RADIL: variants seen among roughly 807,000 people sequenced by gnomAD.
The protein encoded by RADIL is Rap associating with DIL domain.
In RADIL, 99 loss-of-function variants were observed where a neutral mutation model predicts 97.6. The observed-to-expected ratio is 1.01, with a 90% CI of 0.86 to 1.20. RADIL has a LOEUF of 1.20. Among genes scored for constraint, RADIL ranks in the 50% most tolerant of loss-of-function variants. The pLI, the probability that RADIL is intolerant of heterozygous loss-of-function variation, is 0.00. For synonymous variants in RADIL, 803 were observed against 691.8 expected (o/e 1.16, Z -2.52); for missense variants, 1,765 against 1,498.9 (o/e 1.18, Z -2.93).
rs1019959333 is a variant in RADIL at position 4,837,808 on chromosome 7, C to A, written c.536-1203G>T. The A allele has an allele frequency of 1.0e-6, 1 of 983,480 alleles. No individual in the cohort carries two copies. The highest frequency in any genetic ancestry group is 1.2e-6 in the Non-Finnish European group (1 of 828,352). The allele number at this position is 983,480 out of a possible 1,614,324, so 60.9% of individuals were successfully genotyped here. A position where few individuals can be genotyped will look rare whatever the true frequency, so the allele number is the denominator to read the frequency against. On this transcript the variant is annotated intron_variant, in intron 2 of 14. Transcript: ENST00000399583. This position sits in a 1 kb window ranked among gnomAD's most constrained non-coding sequence, Gnocchi z 5.6. ...ATGCTCTGGGAAAGCCAGCCGGCTG[C>A]GATAGATGAAAACCGCTCACCAGTC...
rs1219976007 is a variant in RADIL at position 4,860,960 on chromosome 7, T to C, written c.535+16645A>G. ...TTCAGGCTCCTTCAGTAACACTGGGTTTGGCCATTCCCATTCTGAAAATAC... is the reference window on the plus strand; with the variant it reads ...TTCAGGCTCCTTCAGTAACACTGGGCTTGGCCATTCCCATTCTGAAAATAC... On this transcript the variant is annotated intron_variant, in intron 2 of 14. Transcript: ENST00000399583. 1 of 1,614,108 alleles carries C rather than the reference T, an allele frequency of 6.2e-7. No individual in the cohort carries two copies. Among genetic ancestry groups the C allele is most frequent in the Non-Finnish European group, 8.5e-7 (1 of 1,180,052 alleles).
At chr7:4,868,728 C>A (rs1351803724) in intron 2 of RADIL, among the ~76,000 whole-genome samples, 2 of 152,220 alleles carry the variant, frequency 1.3e-5, no homozygotes, top group Admixed American at 6.5e-5. Flanking sequence ...TATCACCTAT[C>A]TTTTATCTAT....
At chr7:4,839,192 G>C (rs1036972515) in intron 2 of RADIL, among the ~76,000 whole-genome samples, 1 of 152,174 alleles carries the variant, frequency 6.6e-6, no homozygotes, top group African/African-American at 2.4e-5. Context: ...AAACACCGCT[G>C]TATATAGCTT....
Position 4,836,576 on chromosome 7 carries a change from G to T in RADIL, c.565C>A (p.Arg189=). 6.2e-7 allele frequency: 1 copy of T among 1,607,360 alleles called. No homozygotes were observed. The change falls in exon 3 of 15, where the codon CGG becomes AGG. Residue 189 remains arginine, a synonymous_variant. Coordinates refer to ENST00000399583, the MANE Select transcript of RADIL (RefSeq NM_018059.5). ...GINAQARRLQ[R]SRAKGTPTPA... ...GTCGGGGTTCCCTTCGCGCGACTCC[G>T]CTGCAGCCTCCGGGCCTGGGCGTTT...
In RADIL at chr7:4,813,822, T is replaced by C. The variant is rs544264998; in HGVS notation, c.2139+1456A>G. 1.0e-3 allele frequency among the ~76,000 whole-genome samples: 154 copies of C among 152,340 alleles called. No individual in the cohort carries two copies. Among genetic ancestry groups the C allele is most frequent in the Non-Finnish European group, 2.0e-3 (137 of 68,036 alleles). Reference sequence around the variant, plus strand: ...CCAAGCCTCAGTGCTTGCCACAATGTCTATCAACTGTTCTTCTGTTTTAGC... The same window carrying C: ...CCAAGCCTCAGTGCTTGCCACAATGCCTATCAACTGTTCTTCTGTTTTAGC... On this transcript the variant is annotated intron_variant, in intron 9 of 14. Transcript: ENST00000399583. The surrounding 1 kb of genome is among the most constrained non-coding windows in gnomAD (Gnocchi z 5.0).
Position 4,800,254 on chromosome 7 carries a change from T to C in RADIL, c.2899A>G (p.Ser967Gly), listed in dbSNP as rs1042538531. The C allele has an allele frequency of 1.3e-6, 2 of 1,565,558 alleles. No individual in the cohort carries two copies. Among genetic ancestry groups the C allele is most frequent in the Non-Finnish European group, 1.7e-6 (2 of 1,158,864 alleles). ...SPPAPSSRSS[S>G]TEDFCYVFTV... The stretch of plus-strand genomic sequence containing the variant: ...AAGACGTAGCAGAAGTCCTCGGTGC[T>C]GGAGCTGCGGCTGGACGGGGCTGGA... Residue 967 changes from serine to glycine, a missense_variant, in exon 13 of 15, where the codon AGC becomes GGC. Physicochemically the swap from Ser to Gly is moderately conservative, Grantham distance 56. Coordinates refer to ENST00000399583, the MANE Select transcript of RADIL (RefSeq NM_018059.5).
chr7:4,815,358 C>T lies in RADIL; in HGVS notation c.2059G>A (p.Gly687Arg), dbSNP rs375439747. Residue 687 changes from glycine (G) to arginine (R), a missense_variant, in exon 9 of 15, where the codon GGG (glycine) becomes AGG (arginine). Transcript: ENST00000399583. This position sits in a 1 kb window ranked among gnomAD's most constrained non-coding sequence, Gnocchi z 8.0. ...LLEWMRSAGF[G>R]AAGEHFFQKL... ...TGGAAGAAGTGCTCTCCAGCCGCCC[C>T]GAAGCCGGCGCTCCGCATCCACTCC... 3.9e-5 allele frequency: 61 copies of T among 1,558,474 alleles called. No individual in the cohort carries two copies. Among genetic ancestry groups the T allele is most frequent in the African/African-American group, 8.1e-5 (6 of 73,942 alleles).
chr7:4,875,380 G>A (rs1396042199), intron 2 of RADIL, among the ~76,000 whole-genome samples: 1 of 151,188 alleles, frequency 6.6e-6, no homozygotes, highest in Non-Finnish European at 1.5e-5. Context: ...GCGACAGAGA[G>A]AGACTCCATC....
chr7:4,821,482 G>A lies in RADIL; in HGVS notation c.1615+912C>T, dbSNP rs1782829838. Among the ~76,000 whole-genome samples the A allele has an allele frequency of 2.0e-5, 3 of 152,170 alleles. No individual in the cohort carries two copies. The highest frequency in any genetic ancestry group is 7.2e-5 in the African/African-American group (3 of 41,422). On this transcript the variant is annotated intron_variant, in intron 6 of 14. Transcript: ENST00000399583. This position sits in a 1 kb window ranked among gnomAD's most constrained non-coding sequence, Gnocchi z 5.2. ...CCCCGGCTTCCGGGCCCGGCCCCAT[G>A]CCACCTTCCTCTCGAAGCCCCCTAG...
chr7:4,862,079 A>C (rs542058591), intron 2 of RADIL: 4 of 366,172 alleles, frequency 1.1e-5, no homozygotes, highest in Non-Finnish European at 1.9e-5. Flanking sequence ...GCGAGGGCTC[A>C]CGGGAGCCAC....
intron 2 of RADIL, among the ~76,000 whole-genome samples, chr7:4,853,689 C>A (rs935090563): frequency 6.8e-6 from 1 of 147,368 alleles, no homozygotes; most frequent in East Asian, 2.0e-4. Context: ...TTGTGGTGAG[C>A]CGAGATCACG....
intron 2 of RADIL, chr7:4,858,966 G>A (rs1783904313): frequency 6.6e-6 from 1 of 152,156 alleles, no homozygotes; most frequent in South Asian, 2.1e-4. Flanking sequence ...ATAGCTCAAA[G>A]AAAATGTTTG....
Position 4,836,370 on chromosome 7 carries a change from G to A in RADIL, c.771C>T (p.Tyr257=). 6.4e-7 allele frequency: 1 copy of A among 1,573,362 alleles called. No homozygotes were observed. Among genetic ancestry groups the A allele is most frequent in the East Asian group, 2.3e-5 (1 of 42,738 alleles). ...QSPHLLLLQG[Y]SQQHDSLVYV... ...AGGGGAGGCTCACGTGCTGCTGGCT[G>A]TAGCCCTGCAGAAGGAGCAGATGCG... The change falls in exon 3 of 15, where the codon TAC becomes TAT. Residue 257 remains tyrosine, a synonymous_variant. Coordinates refer to ENST00000399583, the MANE Select transcript of RADIL (RefSeq NM_018059.5).
In RADIL at chr7:4,818,097, T is replaced by C. The variant is rs1237471607; in HGVS notation, c.1616-746A>G. 6.6e-6 allele frequency among the ~76,000 whole-genome samples: 1 copy of C among 152,154 alleles called. No individual in the cohort carries two copies. Among genetic ancestry groups the C allele is most frequent in the East Asian group, 1.9e-4 (1 of 5,176 alleles). On this transcript the variant is annotated intron_variant, in intron 6 of 14. Transcript: ENST00000399583. The surrounding 1 kb of genome is among the most constrained non-coding windows in gnomAD (Gnocchi z 7.1). ...TGGGACTGTGGGCGGCCAACCACAG[T>C]GGTGTTCCCTGTCAGCCGCGTGGGC...
rs1782601867 is a variant in RADIL, at chr7:4,813,565, C to A, written c.2139+1713G>T. 6.6e-6 allele frequency among the ~76,000 whole-genome samples: 1 copy of A among 152,232 alleles called. No homozygotes were observed. Among genetic ancestry groups the A allele is most frequent in the African/African-American group, 2.4e-5 (1 of 41,452 alleles). On this transcript the variant is annotated intron_variant, in intron 9 of 14. Coordinates refer to ENST00000399583, the MANE Select transcript of RADIL (RefSeq NM_018059.5). This position sits in a 1 kb window ranked among gnomAD's most constrained non-coding sequence, Gnocchi z 5.0. ...TGCTGTTCCAGTTTCTGTTTCCCCACCAGTGGCCCCTGCCTGGACAAAGCC... is the reference window on the plus strand; with the variant it reads ...TGCTGTTCCAGTTTCTGTTTCCCCAACAGTGGCCCCTGCCTGGACAAAGCC...
At position 4,837,708 on chromosome 7, in the gene RADIL, T is replaced by G. The variant is rs1783338274; in HGVS notation, c.536-1103A>C. The G allele has an allele frequency of 2.0e-6, 1 of 491,562 alleles. No homozygotes were observed. The highest frequency in any genetic ancestry group is 8.8e-5 in the South Asian group (1 of 11,408). 30.5% of individuals were successfully genotyped at this position (491,562 alleles called of 1,614,324 possible). ...ATTAACACATACATGCACACAAACA[T>G]GCGCACAGTTCAGAGATAACACACA... On this transcript the variant is annotated intron_variant, in intron 2 of 14. Transcript: ENST00000399583. This position sits in a 1 kb window ranked among gnomAD's most constrained non-coding sequence, Gnocchi z 5.6.
At chr7:4,875,371 C>T (rs1296731345) in intron 2 of RADIL, among the ~76,000 whole-genome samples, 6 of 151,358 alleles carry the variant, frequency 4.0e-5, no homozygotes, top group East Asian at 1.9e-4. Flanking sequence ...CCAGCCTGGG[C>T]GACAGAGAGA....
intron 2 of RADIL, 92 bp downstream of exon 2, chr7:4,877,513 A>G (rs2115053466): frequency 7.1e-7 from 1 of 1,409,016 alleles, no homozygotes; most frequent in Non-Finnish European, 9.6e-7. Flanking sequence ...CGCCCCACGC[A>G]TGTCCCCTGC....
chr7:4,857,824 G>C (rs2115028597), intron 2 of RADIL: 2 of 152,654 alleles, frequency 1.3e-5, no homozygotes, highest in South Asian at 4.1e-4. Context: ...CAGGAGTACA[G>C]ATACCATAAA....
Sources: gnomAD v4.1 joint callset for allele counts (sites outside exome capture counted in the v4.1 genomes callset) on GRCh38, gnomAD v4.1.1 for gene constraint, Gnocchi (gnomAD v3.1) non-coding constraint, MANE v1.5 for transcripts, NCBI Gene and HGNC (gene_info 2026-07-23, HGNC 2026-07-21) for gene names.